The following FLVCR2 variants were observed in gnomAD, a reference collection of about 807,000 sequenced individuals.
The protein encoded by FLVCR2 is FLVCR choline and putative heme transporter 2, also known as choline/ethanolamine transporter FLVCR2.
Under a neutral mutation model 48.9 loss-of-function variants are expected in FLVCR2, and 38 were observed. The observed-to-expected ratio is 0.78, with a 90% confidence interval of 0.60 to 1.02. The LOEUF (loss-of-function observed/expected upper bound fraction) is 1.02, where lower values mean the gene tolerates loss of function less well. Among genes scored for constraint, FLVCR2 ranks in the 50% least tolerant of loss-of-function variants. FLVCR2 has a pLI of 0.00. For synonymous variants in FLVCR2, 255 were observed against 257.0 expected, an observed-to-expected ratio of 0.99 and a Z score of 0.07; for missense variants, 664 against 663.3, an observed-to-expected ratio of 1.00 and a Z score of -0.01.
chr14:75,632,734 G>A (rs1890075673), intron 3 of FLVCR2: 6 of 702,338 alleles, frequency 8.5e-6, no homozygotes, highest in Non-Finnish European at 1.6e-5. Context: ...GAGCCTCAAT[G>A]TTTAGTTAAA....
At position 75,579,616 on chromosome 14, in the gene FLVCR2, G is replaced by C; in HGVS notation, c.644G>C (p.Cys215Ser). The change falls in exon 1 of 10, where the codon TGC becomes TCC. Residue 215 changes from cysteine to serine, a missense_variant. Transcript: ENST00000238667. The part of the protein sequence containing the change: ...WFGANEVSTA[C>S]SVAVFGNQLG... ...GGGGCTAATGAGGTTTCAACAGCCT[G>C]CTCCGTGGCTGTCTTTGGCAATCAG... 6.2e-7 allele frequency: 1 copy of C among 1,614,106 alleles called. No homozygotes were observed. Among genetic ancestry groups the C allele is most frequent in the Non-Finnish European group, 8.5e-7 (1 of 1,180,030 alleles).
chr14:75,641,727 A>G (rs571428830), intron 8 of FLVCR2, 116 bp from the exon 9 acceptor site: 1 of 949,536 alleles, frequency 1.1e-6, no homozygotes, highest in East Asian at 2.5e-5. Context: ...AGCTCTCTTG[A>G]CTATCTGAAG....
At chr14:75,601,854 T>C (rs1226116091) in intron 1 of FLVCR2, among the ~76,000 whole-genome samples, 1 of 152,172 alleles carries the variant, frequency 6.6e-6, no homozygotes, top group Non-Finnish European at 1.5e-5. Flanking sequence ...TACAGTGAAA[T>C]ATATACATAT....
At chr14:75,631,834 T>C in intron 3 of FLVCR2, 1 of 456,062 alleles carries the variant, frequency 2.2e-6, no homozygotes, top group South Asian at 1.5e-5. Context: ...GAGTATGTAC[T>C]ATGAAGGGCA....
chr14:75,619,484 TC>T (rs1389008344), intron 1 of FLVCR2, among the ~76,000 whole-genome samples: 24 of 122,752 alleles, frequency 2.0e-4, no homozygotes, highest in African/African-American at 7.6e-4. Flanking sequence ...TGCTCATCCA[TC>T]CATCCATCCA....
chr14:75,595,108 C>A (rs376957744), intron 1 of FLVCR2, among the ~76,000 whole-genome samples: 1 of 152,178 alleles, frequency 6.6e-6, no homozygotes, highest in African/African-American at 2.4e-5. Context: ...CACATTCAAA[C>A]TGTAGTTATA....
intron 1 of FLVCR2, among the ~76,000 whole-genome samples, chr14:75,615,891 G>T (rs1232654235): frequency 1.3e-5 from 2 of 150,958 alleles, no homozygotes; most frequent in Non-Finnish European, 3.0e-5. Context: ...GCCAGATGTG[G>T]TGGCGGGAAC....
intron 1 of FLVCR2, among the ~76,000 whole-genome samples, chr14:75,617,155 G>A (rs924931573): frequency 2.0e-5 from 3 of 152,166 alleles, no homozygotes; most frequent in Admixed American, 6.5e-5. Context: ...TGTGTAATGG[G>A]TTGGGTATGG....
At chr14:75,637,560 A>G (rs1319226996) in intron 5 of FLVCR2, among the ~76,000 whole-genome samples, 1 of 151,970 alleles carries the variant, frequency 6.6e-6, no homozygotes, top group Non-Finnish European at 1.5e-5. Context: ...CCCTGTCTCT[A>G]CTAAACAAAC....
At chr14:75,617,301 G>T (rs952714005) in intron 1 of FLVCR2, among the ~76,000 whole-genome samples, 41 of 152,278 alleles carry the variant, frequency 2.7e-4, no homozygotes, top group Middle Eastern at 3.4e-3. Context: ...AGACGACATA[G>T]ACATGTTTTT....
At chr14:75,598,662 A>C (rs1413589103) in intron 1 of FLVCR2, among the ~76,000 whole-genome samples, 1 of 151,690 alleles carries the variant, frequency 6.6e-6, no homozygotes, top group Non-Finnish European at 1.5e-5. Context: ...TTTTTGTAGA[A>C]TCTGGGTCTC....
In FLVCR2 at chr14:75,579,410, G is replaced by A; in HGVS notation, c.438G>A (p.Glu146=). The A allele has an allele frequency of 6.2e-7, 1 of 1,614,124 alleles. No individual in the cohort carries two copies. Among genetic ancestry groups the A allele is most frequent in the Non-Finnish European group, 8.5e-7 (1 of 1,180,052 alleles). ...TCCTGCCAGTGGCTTGGCTGCTGGA[G>A]AAGTTCGGCCTGCGCACCATTGCTC... ...PLLLPVAWLL[E]KFGLRTIALT... The change falls in exon 1 of 10, where the codon GAG becomes GAA. Residue 146 remains glutamate (E), a synonymous_variant. Coordinates refer to ENST00000238667, the MANE Select transcript of FLVCR2 (RefSeq NM_017791.3).
chr14:75,631,235 A>G (rs1890030573), intron 3 of FLVCR2, among the ~76,000 whole-genome samples: 1 of 152,112 alleles, frequency 6.6e-6, no homozygotes, highest in Non-Finnish European at 1.5e-5. Context: ...TCTGGCCTGG[A>G]GCAGGGATGG....
At chr14:75,603,364 C>T (rs1024650063) in intron 1 of FLVCR2, among the ~76,000 whole-genome samples, 5 of 152,166 alleles carry the variant, frequency 3.3e-5, no homozygotes, top group South Asian at 2.1e-4. Context: ...CAGAGAGAAG[C>T]AGGTTTACTT....
intron 1 of FLVCR2, among the ~76,000 whole-genome samples, chr14:75,614,557 G>A (rs1889559431): frequency 6.6e-6 from 1 of 152,198 alleles, no homozygotes; most frequent in African/African-American, 2.4e-5. Context: ...TAGACGAGAT[G>A]ATGGGAAGGT....
rs778226008 is a variant in FLVCR2 at position 75,646,406 on chromosome 14, C to T, written c.1515C>T (p.Leu505=). 1.2e-6 allele frequency: 2 copies of T among 1,613,392 alleles called. No individual in the cohort carries two copies. The highest frequency in any genetic ancestry group is 1.7e-6 in the Non-Finnish European group (2 of 1,179,452). Reference sequence around the variant, plus strand: ...CTGTTTGTTTTGCTTTATAGAAACTCCAAGAGGAGGAGGAGGAGAGCAACA... The same window carrying T: ...CTGTTTGTTTTGCTTTATAGAAACTTCAAGAGGAGGAGGAGGAGAGCAACA... The part of the protein sequence containing the change: ...KANKETLENK[L]QEEEEESNTS... The change falls in exon 10 of 10, where the codon CTC becomes CTT. Residue 505 remains leucine (L), a synonymous_variant. Transcript: ENST00000238667.
chr14:75,609,793 C>G (rs1225533999), intron 1 of FLVCR2, among the ~76,000 whole-genome samples: 1 of 152,086 alleles, frequency 6.6e-6, no homozygotes, highest in Non-Finnish European at 1.5e-5. Context: ...ACGTGAGCAT[C>G]CCTTTTAGGA....
intron 1 of FLVCR2, among the ~76,000 whole-genome samples, chr14:75,581,652 T>C (rs2140001062): frequency 6.6e-6 from 1 of 152,276 alleles, no homozygotes. Context: ...CCTCTACCCA[T>C]CCAGTGAAAG....
intron 1 of FLVCR2, among the ~76,000 whole-genome samples, chr14:75,582,411 G>C (rs1239024575): frequency 1.3e-5 from 2 of 152,162 alleles, no homozygotes; most frequent in African/African-American, 4.8e-5. Flanking sequence ...TAGTGGAGGG[G>C]GGCAGAAAGT....
Sources: allele counts gnomAD v4.1 joint callset (sites outside exome capture counted in the v4.1 genomes callset), GRCh38; gene constraint gnomAD v4.1.1; transcripts MANE v1.5; gene names NCBI Gene and HGNC (gene_info 2026-07-23, HGNC 2026-07-21).